The following DNAJC12 variants were observed in gnomAD, a reference collection of about 807,000 sequenced individuals.
DNAJC12 encodes DnaJ heat shock protein family (Hsp40) member C12, also known as dnaJ homolog subfamily C member 12.
DNAJC12 carries 25 observed loss-of-function variants against 28.5 expected under a neutral mutation model. The ratio of observed to expected loss-of-function variants is 0.88; its 90% CI spans 0.64 to 1.22. The LOEUF is 1.22. DNAJC12 is among the 50% of genes most tolerant of loss of function. The probability of loss-of-function intolerance (pLI) is 0.00; values close to 1 mark genes in which losing one functional copy is unlikely to be tolerated. For missense variants in DNAJC12, 222 were observed against 231.7 expected (o/e 0.96, Z 0.27); for synonymous variants, 77 against 80.6 (o/e 0.95, Z 0.24).
rs556745021 is a variant in DNAJC12, at chr10:67,797,073, G to A, written c.*43C>T. 1.5e-5 allele frequency: 22 copies of A among 1,495,114 alleles called. No homozygotes were observed. The East Asian group carries it at 4.8e-4, about 33-fold the overall frequency. The allele number at this position is 1,495,114 out of a possible 1,614,324, so 92.6% of individuals were successfully genotyped here. On this transcript the variant is annotated 3_prime_UTR_variant, in exon 5 of 5. Coordinates refer to ENST00000225171, the MANE Select transcript of DNAJC12 (RefSeq NM_021800.3). ...ACAAAGACTGCATGTTGGCAGCATA[G>A]GGGACAGTCTTGCTCTTCCTCATTT...
chr10:67,822,783 T>A (rs1234621606), intron 2 of DNAJC12, among the ~76,000 whole-genome samples: 1 of 150,702 alleles, frequency 6.6e-6, no homozygotes, highest in Non-Finnish European at 1.5e-5. Context: ...AGGTCAGGAG[T>A]TCGAAACCGG....
At chr10:67,828,656 T>TTCTCTC (rs142433904) in intron 1 of DNAJC12, among the ~76,000 whole-genome samples, 20 of 145,836 alleles carry the variant, frequency 1.4e-4, no homozygotes, top group Middle Eastern at 3.5e-3. Flanking sequence ...ATATTCTATT[T>TTCTCTC]TCTCTCTCTC....
intron 3 of DNAJC12, among the ~76,000 whole-genome samples, chr10:67,809,952 A>G: frequency 6.6e-6 from 1 of 152,162 alleles, no homozygotes; most frequent in East Asian, 1.9e-4. Flanking sequence ...CATACAATTC[A>G]TCCATGTGTC....
intron 4 of DNAJC12, among the ~76,000 whole-genome samples, chr10:67,798,405 C>T (rs1841701735): frequency 6.6e-6 from 1 of 152,032 alleles, no homozygotes; most frequent in African/African-American, 2.4e-5. Flanking sequence ...GAAGGCCCAG[C>T]ATGGTGGCTC....
intron 3 of DNAJC12, among the ~76,000 whole-genome samples, chr10:67,806,545 T>TG (rs1214741498): frequency 1.3e-5 from 2 of 152,126 alleles, no homozygotes; most frequent in African/African-American, 4.8e-5. Flanking sequence ...GAAAAGAGGC[T>TG]GGGCACAGTG....
At chr10:67,803,995 G>T (rs1426506646) in intron 4 of DNAJC12, among the ~76,000 whole-genome samples, 1 of 152,194 alleles carries the variant, frequency 6.6e-6, no homozygotes, top group Admixed American at 6.5e-5. Flanking sequence ...GATTTGAAGT[G>T]ACTATTTCTC....
chr10:67,831,473 G>A (rs1338760522), intron 1 of DNAJC12, among the ~76,000 whole-genome samples: 1 of 152,092 alleles, frequency 6.6e-6, no homozygotes, highest in Non-Finnish European at 1.5e-5. Context: ...AGTGTGCCAT[G>A]GAGACTAATC....
chr10:67,829,509 C>T (rs1003555499), intron 1 of DNAJC12, among the ~76,000 whole-genome samples: 56 of 152,094 alleles, frequency 3.7e-4, no homozygotes, highest in African/African-American at 1.3e-3. Context: ...GGCGTGGTGG[C>T]GGCCGCCTGT....
chr10:67,819,249 C>T (rs796281198), intron 2 of DNAJC12, among the ~76,000 whole-genome samples: 53 of 151,100 alleles, frequency 3.5e-4, no homozygotes, highest in African/African-American at 1.2e-3. Context: ...AGGAGAATGG[C>T]GTAAACCCGG....
Position 67,805,604 on chromosome 10 carries a change from G to A in DNAJC12, c.481C>T (p.Pro161Ser). The change falls in exon 4 of 5, where the codon CCG becomes TCG. Residue 161 changes from proline (P) to serine (S), a missense_variant. Physicochemically the swap from Pro to Ser is moderately conservative, Grantham distance 74. Transcript: ENST00000225171. ...TTACCTGAAGAATCTGAATTTTGCGGGGAGACTGACTTCTCTAGGGGCTTG... is the reference window on the plus strand; with the variant it reads ...TTACCTGAAGAATCTGAATTTTGCGAGGAGACTGACTTCTCTAGGGGCTTG... The part of the protein sequence containing the change: ...EPKPLEKSVS[P>S]QNSDSSGFAD... 1 of 1,608,992 alleles carries A rather than the reference G, an allele frequency of 6.2e-7. No homozygotes were observed. Among genetic ancestry groups the A allele is most frequent in the Non-Finnish European group, 8.5e-7 (1 of 1,178,486 alleles).
chr10:67,804,390 C>T (rs1352220745), intron 4 of DNAJC12, among the ~76,000 whole-genome samples: 4 of 152,094 alleles, frequency 2.6e-5, no homozygotes, highest in Non-Finnish European at 1.5e-5. Flanking sequence ...ACTATGTCAC[C>T]CAGGATGGAA....
In DNAJC12 at chr10:67,811,579, C is replaced by T; in HGVS notation, c.242G>A (p.Ser81Asn). ...CTGCTGGAATGGCATCGACATCTGG[C>T]TCCTTCGCCAGTGGTCATAGCGGGC... Reference protein sequence around the residue: ...SRARYDHWRRSQMSMPFQQWE... With the variant: ...SRARYDHWRRNQMSMPFQQWE... The change falls in exon 3 of 5, where the codon AGC becomes AAC. Residue 81 changes from serine (S) to asparagine (N), a missense_variant. Coordinates refer to ENST00000225171, the MANE Select transcript of DNAJC12 (RefSeq NM_021800.3). The T allele has an allele frequency of 1.2e-6, 2 of 1,614,200 alleles. No homozygotes were observed. The highest frequency in any genetic ancestry group is 1.7e-6 in the Non-Finnish European group (2 of 1,180,018).
In DNAJC12 at chr10:67,802,678, T is replaced by C. The variant is rs1045037014; in HGVS notation, c.502+2905A>G. Among the ~76,000 whole-genome samples, 3 of 152,202 alleles carry C rather than the reference T, an allele frequency of 2.0e-5. No homozygotes were observed. The East Asian group carries it at 5.8e-4, about 29-fold the overall frequency. ...TTGTTTGACTTTGACATAACATATA[T>C]CTACACTGTGGAATGTTATCAGCTG... On this transcript the variant is annotated intron_variant, in intron 4 of 4. Transcript: ENST00000225171.
chr10:67,809,977 A>T (rs1016588306), intron 3 of DNAJC12, among the ~76,000 whole-genome samples: 15 of 152,204 alleles, frequency 9.9e-5, no homozygotes, highest in Non-Finnish European at 2.1e-4. Context: ...AACCACTTGT[A>T]TTAGTCCATT....
chr10:67,809,593 A>G (rs1382762109), intron 3 of DNAJC12, among the ~76,000 whole-genome samples: 1 of 151,332 alleles, frequency 6.6e-6, no homozygotes, highest in African/African-American at 2.4e-5. Flanking sequence ...ATACCAGTTC[A>G]GTTGCATCAC....
intron 3 of DNAJC12, among the ~76,000 whole-genome samples, chr10:67,806,459 C>T (rs1393148952): frequency 6.6e-6 from 1 of 152,162 alleles, no homozygotes; most frequent in African/African-American, 2.4e-5. Flanking sequence ...TAATCAACCC[C>T]AAGATCCAAG....
Position 67,837,946 on chromosome 10 carries a change from A to T in DNAJC12, c.66T>A (p.Asp22Glu), listed in dbSNP as rs763531284. 3.1e-6 allele frequency: 5 copies of T among 1,603,264 alleles called. No homozygotes were observed. In the South Asian group the frequency reaches 4.5e-5, roughly 14 times the overall value. ...TEDYYTLLGC[D>E]ELSSVEQILA... is the part of the protein sequence containing the mutation. ...TCCACTGTCTTACCGAAGATAGTTCATCACATCCCAGTAATGTGTAGTAAT... is the reference window on the plus strand; with the variant it reads ...TCCACTGTCTTACCGAAGATAGTTCTTCACATCCCAGTAATGTGTAGTAAT... The change falls in exon 1 of 5, where the codon GAT becomes GAA. Residue 22 changes from aspartate (D) to glutamate (E), a missense_variant. Asp to Glu is a conservative substitution (Grantham distance 45, BLOSUM62 2). Coordinates refer to ENST00000225171, the MANE Select transcript of DNAJC12 (RefSeq NM_021800.3).
chr10:67,830,875 T>A (rs1346165989), intron 1 of DNAJC12, among the ~76,000 whole-genome samples: 2 of 151,918 alleles, frequency 1.3e-5, no homozygotes, highest in Admixed American at 6.6e-5. Flanking sequence ...TCCAAATACA[T>A]ACAAAAATAC....
chr10:67,820,882 C>A (rs1033242552), intron 2 of DNAJC12, among the ~76,000 whole-genome samples: 42 of 140,874 alleles, frequency 3.0e-4, no homozygotes, highest in African/African-American at 1.1e-3. Flanking sequence ...CTCCTAGGTT[C>A]AAGCAATTCT....
Sources: allele counts gnomAD v4.1 joint callset (sites outside exome capture counted in the v4.1 genomes callset), GRCh38; gene constraint gnomAD v4.1.1; transcripts MANE v1.5; gene names NCBI Gene and HGNC (gene_info 2026-07-23, HGNC 2026-07-21).